UBXN6: variants seen among roughly 807,000 people sequenced by gnomAD.
UBXN6 encodes the protein UBX domain-containing protein 6.
A neutral mutation model predicts 51.4 loss-of-function variants in UBXN6; 44 were observed. The observed-to-expected ratio is 0.86, with a 90% CI of 0.67 to 1.10. The LOEUF is 1.10. UBXN6 is among the 50% of genes least tolerant of loss of function. The pLI is 0.00. For synonymous variants in UBXN6, 316 were observed against 263.2 expected (o/e 1.20, Z -1.94); for missense variants, 672 against 596.1 (o/e 1.13, Z -1.32).
rs1212912865 is a variant in UBXN6 at position 4,446,155 on chromosome 19, A to G, written c.1094T>C (p.Phe365Ser). The G allele has an allele frequency of 6.2e-7, 1 of 1,610,690 alleles. No individual in the cohort carries two copies. ...ARERLGAVYGFVREALQSDWL... is the reference protein window; with the variant it reads ...ARERLGAVYGSVREALQSDWL... ...GTCGCTCTGCAGGGCCTCCCGGACGAACCCGTACACCGCCCCCAGCCGCTC... is the reference window on the plus strand; with the variant it reads ...GTCGCTCTGCAGGGCCTCCCGGACGGACCCGTACACCGCCCCCAGCCGCTC... Residue 365 changes from phenylalanine to serine, a missense_variant, in exon 10 of 11, where the codon TTC (phenylalanine) becomes TCC (serine). Coordinates refer to ENST00000301281, the MANE Select transcript of UBXN6 (RefSeq NM_025241.3).
At chr19:4,451,046 A>ATTTTG (rs920893062) in intron 4 of UBXN6, among the ~76,000 whole-genome samples, 1 of 151,814 alleles carries the variant, frequency 6.6e-6, no homozygotes, top group African/African-American at 2.4e-5. Flanking sequence ...AACTATTACT[A>ATTTTG]TTTTGTTTTG....
chr19:4,448,583 C>A (rs915866290), intron 4 of UBXN6, 168 bp from the exon 5 acceptor site: 4 of 629,156 alleles, frequency 6.4e-6, no homozygotes, highest in Non-Finnish European at 1.1e-5. Flanking sequence ...AGACCGCAGC[C>A]CTGCCCACGC....
At chr19:4,453,602 G>T in intron 2 of UBXN6, 80 bp from the exon 3 acceptor site, 1 of 1,544,148 alleles carries the variant, frequency 6.5e-7, no homozygotes, top group Non-Finnish European at 8.8e-7. Flanking sequence ...CCTCATTCCC[G>T]GGGTGGGCCT....
chr19:4,446,244 C>T, intron 9 of UBXN6, 39 bp downstream of exon 9: 1 of 1,570,850 alleles, frequency 6.4e-7, no homozygotes, highest in Non-Finnish European at 8.6e-7. Context: ...GGCCCCCTAC[C>T]AACCCGAGCC....
Position 4,446,409 on chromosome 19 carries a change from C to T in UBXN6, c.925G>A (p.Glu309Lys), listed in dbSNP as rs751997809. 92 of 1,578,140 alleles carry T rather than the reference C, an allele frequency of 5.8e-5. No homozygotes were observed. The Middle Eastern group carries it at 6.7e-4, about 11-fold the overall frequency. ...AGCACGCTCAGCCGCTCCACCGCCT[C>T]GGACCTGCACACGCGGGCCAGGTCA... is the stretch of plus-strand genomic sequence containing the variant. ...EIKREQRLRS[E>K]AVERLSVLRT... is the part of the protein sequence containing the mutation. The change falls in exon 9 of 11, where the codon GAG becomes AAG. Residue 309 changes from glutamate (E) to lysine (K), a missense_variant. By Grantham distance (56) the Glu-to-Lys change is moderately conservative. Transcript: ENST00000301281.
chr19:4,450,894 T>G (rs1974642270), intron 4 of UBXN6: 1 of 151,498 alleles, frequency 6.6e-6, no homozygotes, highest in African/African-American at 2.4e-5. Context: ...AAGTGCAAAT[T>G]AACTCTATCC....
chr19:4,451,970 G>A (rs55940498), intron 4 of UBXN6, among the ~76,000 whole-genome samples: 2,250 of 151,270 alleles, frequency 0.015, 46 homozygotes, highest in African/African-American at 0.052. Context: ...CCAACATGGT[G>A]AAACCCCATC....
chr19:4,451,946 C>T (rs192661521), intron 4 of UBXN6, among the ~76,000 whole-genome samples: 36 of 151,774 alleles, frequency 2.4e-4, no homozygotes, highest in African/African-American at 8.2e-4. Context: ...GGCAAAAGTT[C>T]GAGACCAGCC....
chr19:4,457,480 C>T (rs1396249814), intron 1 of UBXN6, 135 bp downstream of exon 1: 10 of 521,746 alleles, frequency 1.9e-5, no homozygotes, highest in African/African-American at 4.5e-5. Context: ...CGGCGCCTCT[C>T]CCCCTCCCCT....
chr19:4,452,524 G>T, intron 3 of UBXN6, 32 bp from the exon 4 acceptor site: 1 of 1,596,028 alleles, frequency 6.3e-7, no homozygotes, highest in Non-Finnish European at 8.5e-7. Flanking sequence ...AGTCTGGACC[G>T]TGGACAGAGG....
rs1369660193 is a variant in UBXN6 at position 4,454,087 on chromosome 19, CT to C, written c.89del (p.Lys30ArgfsTer31). On this transcript the variant is annotated frameshift_variant, in exon 2 of 11. Transcript: ENST00000301281. LOFTEE classifies it high-confidence loss of function. ...GCTGGTTGGGCTTCTCTTTGTGGGC[CT>C]TTTCCCTGGGAACAGACCGAGGGAG... Reference protein sequence around the residue: ...GQKLKESVGEKAHKEKPNQPA... With the variant: ...GQKLKESVGEXAHKEKPNQPA... 5 of 1,551,016 alleles carry C rather than the reference CT, an allele frequency of 3.2e-6. No individual in the cohort carries two copies. Among genetic ancestry groups the C allele is most frequent in the East Asian group, 2.3e-5 (1 of 44,054 alleles).
In UBXN6 at chr19:4,445,598, G is replaced by A. The variant is rs1974492612; in HGVS notation, c.1226C>T (p.Ser409Leu). The change falls in exon 11 of 11, where the codon TCG (serine) becomes TTG (leucine). Residue 409 changes from serine to leucine, a missense_variant. Ser to Leu is a moderately radical substitution (Grantham distance 145, BLOSUM62 -2). Transcript: ENST00000301281. ...GLVPSALLTF[S>L]WDMAVLEDIK... ...GTCCTCCAGCACAGCCATGTCCCAC[G>A]AGAAGGTCAGGAGGGCAGAGGGCAC... 1.9e-6 allele frequency: 3 copies of A among 1,613,630 alleles called. No homozygotes were observed. Among genetic ancestry groups the A allele is most frequent in the Admixed American group, 1.7e-5 (1 of 60,026 alleles).
chr19:4,448,545 T>A, intron 4 of UBXN6, 130 bp from the exon 5 acceptor site: 1 of 744,208 alleles, frequency 1.3e-6, no homozygotes, highest in South Asian at 1.7e-5. Flanking sequence ...TGTGCGCTCA[T>A]CACAGAAAGG....
At chr19:4,452,748 T>G (rs1974676313) in intron 3 of UBXN6, among the ~76,000 whole-genome samples, 1 of 152,190 alleles carries the variant, frequency 6.6e-6, no homozygotes. Flanking sequence ...GAGCAGCTTC[T>G]GACACGCAGG....
At chr19:4,455,432 C>T (rs185411512) in intron 1 of UBXN6, 6 of 330,984 alleles carry the variant, frequency 1.8e-5, no homozygotes, top group African/African-American at 1.1e-4. Context: ...CATCCGATAT[C>T]TGGGTCTTTC....
intron 6 of UBXN6, 116 bp downstream of exon 6, chr19:4,447,434 C>G (rs555176300): frequency 1.5e-5 from 17 of 1,140,838 alleles, no homozygotes; most frequent in Non-Finnish European, 2.1e-5. Context: ...GCTTGTGGCT[C>G]AACTCTCGCT....
At chr19:4,451,208 C>A (rs549389822) in intron 4 of UBXN6, among the ~76,000 whole-genome samples, 11 of 152,276 alleles carry the variant, frequency 7.2e-5, no homozygotes, top group Admixed American at 2.0e-4. Context: ...AGGCGCCTGT[C>A]ACCACGCCTG....
At chr19:4,451,641 C>T (rs1974655580) in intron 4 of UBXN6, among the ~76,000 whole-genome samples, 2 of 151,854 alleles carry the variant, frequency 1.3e-5, no homozygotes, top group Non-Finnish European at 2.9e-5. Flanking sequence ...ATGCTGTGGA[C>T]GTTTTTATTT....
intron 10 of UBXN6, 115 bp downstream of exon 10, chr19:4,445,934 G>A (rs749244855): frequency 3.1e-5 from 46 of 1,474,434 alleles, no homozygotes; most frequent in Admixed American, 6.8e-5. Flanking sequence ...CCAGGGACCT[G>A]CCCAGGCCCC....
Sources: gnomAD v4.1 joint callset for allele counts (sites outside exome capture counted in the v4.1 genomes callset) on GRCh38, gnomAD v4.1.1 for gene constraint, MANE v1.5 for transcripts, NCBI Gene and HGNC (gene_info 2026-07-23, HGNC 2026-07-21) for gene names.